Variants in KCNIP4 observed in about 807,000 individuals in gnomAD.
KCNIP4 encodes potassium voltage-gated channel interacting protein 4.
A neutral mutation model predicts 34.0 loss-of-function variants in KCNIP4; 12 were observed. The observed-to-expected ratio is 0.35, with a 90% CI of 0.23 to 0.57. The LOEUF (loss-of-function observed/expected upper bound fraction) is 0.57, where lower values mean the gene tolerates loss of function less well. KCNIP4 is among the 20% of genes least tolerant of loss of function. The pLI is 0.83. For missense variants in KCNIP4, 238 were observed against 311.7 expected, an observed-to-expected ratio of 0.76 and a Z score of 1.78; for synonymous variants, 124 against 102.2, an observed-to-expected ratio of 1.21 and a Z score of -1.29.
chr4:21,129,066 G>A (rs1341977128), intron 1 of KCNIP4, among the ~76,000 whole-genome samples: 1 of 152,200 alleles, frequency 6.6e-6, no homozygotes, highest in South Asian at 2.1e-4. Context: ...GTCAGGTGGA[G>A]ATAACTGAAT....
chr4:21,046,987 C>A (rs1208777056), intron 1 of KCNIP4, among the ~76,000 whole-genome samples: 1 of 152,196 alleles, frequency 6.6e-6, no homozygotes, highest in Non-Finnish European at 1.5e-5. Flanking sequence ...CCTACAGGAA[C>A]AAAACATAAG....
At chr4:21,877,644 C>T (rs1181442527) in intron 1 of KCNIP4, among the ~76,000 whole-genome samples, 1 of 152,080 alleles carries the variant, frequency 6.6e-6, no homozygotes, top group Non-Finnish European at 1.5e-5. Flanking sequence ...AATGACTGCC[C>T]TCCTGCCTAC....
intron 1 of KCNIP4, among the ~76,000 whole-genome samples, chr4:21,398,206 G>T (rs1002911780): frequency 3.3e-5 from 5 of 152,202 alleles, no homozygotes; most frequent in African/African-American, 1.2e-4. Flanking sequence ...GAACTTGAAG[G>T]TTCTGCGGTA....
chr4:21,522,437 G>T (rs780505435), intron 1 of KCNIP4, among the ~76,000 whole-genome samples: 2 of 151,922 alleles, frequency 1.3e-5, no homozygotes, highest in Non-Finnish European at 2.9e-5. Flanking sequence ...TGCACTCATA[G>T]CTCACTGCAG....
intron 5 of KCNIP4, among the ~76,000 whole-genome samples, chr4:20,744,883 G>C (rs1477745203): frequency 6.6e-6 from 1 of 152,166 alleles, no homozygotes; most frequent in Non-Finnish European, 1.5e-5. Context: ...GCTCCATGAT[G>C]TTCTGTGGAA....
chr4:21,370,800 AATATATATATATAT>A (rs1173506757), intron 1 of KCNIP4, among the ~76,000 whole-genome samples: 318 of 17,936 alleles, frequency 0.018, 10 homozygotes, highest in South Asian at 0.04. Context: ...CATGGATTGA[AATATATATATATAT>A]ATATATATAT....
intron 1 of KCNIP4, among the ~76,000 whole-genome samples, chr4:20,981,925 G>A (rs976486267): frequency 6.6e-6 from 1 of 152,150 alleles, no homozygotes; most frequent in Non-Finnish European, 1.5e-5. Context: ...TCTCTCCCAA[G>A]GAAGACTTTT....
chr4:20,826,670 A>T (rs1271916188), intron 3 of KCNIP4, among the ~76,000 whole-genome samples: 1 of 152,166 alleles, frequency 6.6e-6, no homozygotes, highest in South Asian at 2.1e-4. Flanking sequence ...GGAATGAAGA[A>T]CATTCTAGTA....
chr4:21,455,730 C>T (rs1728870367), intron 1 of KCNIP4, among the ~76,000 whole-genome samples: 1 of 146,208 alleles, frequency 6.8e-6, no homozygotes, highest in African/African-American at 2.5e-5. Context: ...TCCTCTCTCC[C>T]TCCCTTTCTT....
chr4:21,296,443 C>T (rs1439609304), intron 1 of KCNIP4, among the ~76,000 whole-genome samples: 20 of 150,814 alleles, frequency 1.3e-4, no homozygotes, highest in African/African-American at 4.6e-4. Context: ...TGGTTCTTAG[C>T]TATAATGGCA....
At chr4:21,700,221 C>T (rs1712723058) in intron 1 of KCNIP4, among the ~76,000 whole-genome samples, 1 of 152,086 alleles carries the variant, frequency 6.6e-6, no homozygotes, top group South Asian at 2.1e-4. Context: ...ATGCAGGTTC[C>T]CTTTTCTCTG....
At chr4:21,763,279 C>T (rs1718180892) in intron 1 of KCNIP4, among the ~76,000 whole-genome samples, 3 of 152,136 alleles carry the variant, frequency 2.0e-5, no homozygotes, top group African/African-American at 4.8e-5. Context: ...CCATCCGGTG[C>T]TTATTACACA....
intron 1 of KCNIP4, among the ~76,000 whole-genome samples, chr4:21,600,229 C>A (rs1243890023): frequency 6.6e-6 from 1 of 152,092 alleles, no homozygotes; most frequent in Non-Finnish European, 1.5e-5. Context: ...TTAATATCAA[C>A]TTGTAACAGT....
chr4:21,380,650 G>C (rs958255342), intron 1 of KCNIP4, among the ~76,000 whole-genome samples: 13 of 152,058 alleles, frequency 8.5e-5, no homozygotes, highest in Non-Finnish European at 1.3e-4. Flanking sequence ...CGACAAAGTG[G>C]CCATGAATGA....
intron 1 of KCNIP4, among the ~76,000 whole-genome samples, chr4:21,872,296 AT>A (rs1374375101): frequency 6.6e-6 from 1 of 152,156 alleles, no homozygotes; most frequent in Non-Finnish European, 1.5e-5. Context: ...AACGCCTGGC[AT>A]TCATCATTCA....
intron 1 of KCNIP4, among the ~76,000 whole-genome samples, chr4:21,035,068 A>G (rs1741336070): frequency 6.6e-6 from 1 of 152,150 alleles, no homozygotes; most frequent in Admixed American, 6.6e-5. Flanking sequence ...CCTCTCAACT[A>G]CATTTGCTTT....
chr4:21,298,710 A>C (rs57398412), intron 1 of KCNIP4, among the ~76,000 whole-genome samples: 2,901 of 152,252 alleles, frequency 0.019, 80 homozygotes, highest in East Asian at 0.056. Context: ...TTCATGTTAC[A>C]AGAGTTTGTT....
At chr4:20,891,368 A>G (rs1725896847) in intron 1 of KCNIP4, among the ~76,000 whole-genome samples, 1 of 152,154 alleles carries the variant, frequency 6.6e-6, no homozygotes, top group South Asian at 2.1e-4. Flanking sequence ...GCACTTTGGG[A>G]GTCCGAGGCG....
At chr4:21,524,703 A>T (rs759800273) in intron 1 of KCNIP4, among the ~76,000 whole-genome samples, 2 of 151,446 alleles carry the variant, frequency 1.3e-5, no homozygotes, top group African/African-American at 4.9e-5. Flanking sequence ...TCTTCCTATC[A>T]CTTATTTTTT....
Sources: gnomAD v4.1 joint callset for allele counts (sites outside exome capture counted in the v4.1 genomes callset) on GRCh38, gnomAD v4.1.1 for gene constraint, MANE v1.5 for transcripts, NCBI Gene and HGNC (gene_info 2026-07-23, HGNC 2026-07-21) for gene names.